The following BCORL1 variants were observed in gnomAD, a reference collection of about 807,000 sequenced individuals.
The protein encoded by BCORL1 is BCL6 corepressor like 1, also known as BCL-6 corepressor-like protein 1.
In BCORL1, 7 loss-of-function variants were observed where a neutral mutation model predicts 87.6. That is an observed-to-expected ratio of 0.08 (90% CI 0.05 to 0.15). BCORL1 has a LOEUF of 0.15. Among genes scored for constraint, BCORL1 ranks in the 10% least tolerant of loss-of-function variants. The pLI is 1.00. For synonymous variants in BCORL1, 591 were observed against 634.4 expected (o/e 0.93, Z 1.03); for missense variants, 1,215 against 1,499.7 (o/e 0.81, Z 3.13).
Position 130,014,309 on chromosome X carries a change from A to C in BCORL1, c.1537A>C (p.Thr513Pro). 8.3e-7 allele frequency: 1 copy of C among 1,211,019 alleles called. No homozygotes were observed. The highest frequency in any genetic ancestry group is 1.1e-6 in the Non-Finnish European group (1 of 895,291). Residue 513 changes from threonine (T) to proline (P), a missense_variant, in exon 4 of 14, where the codon ACT becomes CCT. Around this residue, in one of 5 missense-constraint regions of BCORL1, gnomAD observed 861 missense variants for 1,010.0 expected, o/e 0.85. Transcript: ENST00000540052. Reference protein sequence around the residue: ...PYAFSVARPLTSDSKLVSLEV... With the variant: ...PYAFSVARPLPSDSKLVSLEV... ...TGCATTTTCTGTGGCCCGGCCTCTGACTTCGGATTCCAAGCTGGTATCTCT... is the reference window on the plus strand; with the variant it reads ...TGCATTTTCTGTGGCCCGGCCTCTGCCTTCGGATTCCAAGCTGGTATCTCT...
intron 8 of BCORL1, among the ~76,000 whole-genome samples, chrX:130,031,644 C>T (rs1329113379): frequency 1.8e-5 from 2 of 111,551 alleles, no homozygotes; most frequent in African/African-American, 6.5e-5. Context: ...ATTAGCTGGG[C>T]GTGGTGGCAC....
At chrX:130,011,792 G>T (rs990379040) in intron 2 of BCORL1, among the ~76,000 whole-genome samples, 1 of 110,275 alleles carries the variant, frequency 9.1e-6, no homozygotes, top group African/African-American at 3.3e-5. Flanking sequence ...AGAGAACAAA[G>T]TGGTGCTGGG....
chrX:130,010,189 C>T (rs764412406), intron 2 of BCORL1, among the ~76,000 whole-genome samples: 2 of 111,235 alleles, frequency 1.8e-5, no homozygotes, highest in South Asian at 7.6e-4. Context: ...AGGATGCAGC[C>T]CACTCCCTTT....
At chrX:130,029,731 A>G (rs1381388739) in intron 8 of BCORL1, among the ~76,000 whole-genome samples, 4 of 107,115 alleles carry the variant, frequency 3.7e-5, no homozygotes, top group Non-Finnish European at 7.7e-5. Flanking sequence ...GCTCACTGTA[A>G]CCTCCGCCTC....
At chrX:129,999,689 C>A (rs781391389) in intron 1 of BCORL1, among the ~76,000 whole-genome samples, 3 of 102,728 alleles carry the variant, frequency 2.9e-5, no homozygotes, top group East Asian at 3.2e-4. Flanking sequence ...CTTTTTCCCC[C>A]CCCCCAGACA....
At chrX:130,038,434 C>T (rs888879679) in intron 10 of BCORL1, among the ~76,000 whole-genome samples, 54 of 109,734 alleles carry the variant, frequency 4.9e-4, no homozygotes, top group African/African-American at 1.7e-3. Context: ...AGGGAGTCAC[C>T]CAGGGCCTTC....
intron 7 of BCORL1, among the ~76,000 whole-genome samples, chrX:130,027,410 C>G (rs367707085): frequency 4.4e-5 from 5 of 112,886 alleles, no homozygotes; most frequent in African/African-American, 1.3e-4. Flanking sequence ...AGCTGGCCTT[C>G]CAGGAACTGT....
At chrX:129,996,453 T>C (rs1927571189) in intron 1 of BCORL1, among the ~76,000 whole-genome samples, 1 of 111,326 alleles carries the variant, frequency 9.0e-6, no homozygotes, top group African/African-American at 3.3e-5. Flanking sequence ...ACTGTCTTGA[T>C]GGTAGAGTCC....
At chrX:129,991,997 T>C (rs1927228555) in intron 1 of BCORL1, among the ~76,000 whole-genome samples, 1 of 106,248 alleles carries the variant, frequency 9.4e-6, no homozygotes, top group Admixed American at 1.0e-4. Flanking sequence ...TGAGATGGAG[T>C]CTTGCTCTAT....
rs1318095183 is a variant in BCORL1, at chrX:130,014,847, A to G, written c.2075A>G (p.Glu692Gly). The change falls in exon 4 of 14, where the codon GAG becomes GGG. Residue 692 changes from glutamate to glycine, a missense_variant. Transcript: ENST00000540052. ...TCCTCGCCCTTTGTCATCTTTCCCG[A>G]GATCGTGAGGAATGGGGACCCGAGC... is the stretch of plus-strand genomic sequence containing the variant. ...STSSPFVIFP[E>G]IVRNGDPSTW... 16 of 1,208,979 alleles carry G rather than the reference A, an allele frequency of 1.3e-5. No homozygotes were observed. The highest frequency in any genetic ancestry group is 1.8e-5 in the Non-Finnish European group (16 of 894,968).
intron 1 of BCORL1, among the ~76,000 whole-genome samples, chrX:130,003,951 T>C (rs1458337940): frequency 2.7e-5 from 3 of 112,026 alleles, no homozygotes; most frequent in Admixed American, 9.6e-5. Context: ...CTATATCTTA[T>C]TGTGATTTAC....
intron 2 of BCORL1, among the ~76,000 whole-genome samples, chrX:130,010,152 AGG>A (rs758774093): frequency 3.7e-3 from 413 of 111,890 alleles, no homozygotes; most frequent in African/African-American, 0.012. Flanking sequence ...CATTTCAGGC[AGG>A]GTGGGAGCTT....
chrX:130,026,981 C>T (rs906212232), intron 7 of BCORL1, among the ~76,000 whole-genome samples: 5 of 113,452 alleles, frequency 4.4e-5, no homozygotes, highest in Admixed American at 9.2e-5. Context: ...TTCTTTTCAT[C>T]CTGGTTTTGG....
chrX:130,036,453 G>C lies in BCORL1; in HGVS notation c.4528-914G>C, dbSNP rs756013343. Among the ~76,000 whole-genome samples, 414 of 110,986 alleles carry C rather than the reference G, an allele frequency of 3.7e-3. 1 individual carries two copies. Among genetic ancestry groups the C allele is most frequent in the Non-Finnish European group, 6.5e-3 (344 of 52,881 alleles). On this transcript the variant is annotated intron_variant, in intron 9 of 13. Transcript: ENST00000540052. ...TTTTTGTATTTTTAGTAGAGAGGGG[G>C]TTTTGCCATGTTGGCTAGGCTGGTC... is the stretch of plus-strand genomic sequence containing the variant.
chrX:130,030,715 C>T (rs1230980471), intron 8 of BCORL1, among the ~76,000 whole-genome samples: 4 of 110,268 alleles, frequency 3.6e-5, no homozygotes, highest in African/African-American at 6.6e-5. Flanking sequence ...GTTCCTCCCC[C>T]AGACACTCAG....
chrX:130,009,304 A>G (rs921440884), intron 2 of BCORL1, among the ~76,000 whole-genome samples: 1 of 110,785 alleles, frequency 9.0e-6, no homozygotes, highest in Non-Finnish European at 1.9e-5. Flanking sequence ...GTCTCTACTA[A>G]AAACACAAAA....
intron 9 of BCORL1, among the ~76,000 whole-genome samples, chrX:130,037,007 G>A (rs1002456972): frequency 3.6e-5 from 4 of 111,811 alleles, no homozygotes; most frequent in South Asian, 3.7e-4. Context: ...TTAGCCAGGC[G>A]TGGTGGCGTG....
At chrX:130,050,827 T>G (rs376408494) in intron 12 of BCORL1, 33 bp downstream of exon 12, 53 of 1,139,506 alleles carry the variant, frequency 4.7e-5, no homozygotes, top group Non-Finnish European at 5.8e-5. Flanking sequence ...CCCACCCTTC[T>G]TCTCAAGGAC....
At position 130,024,916 on chromosome X, in the gene BCORL1, A is replaced by G; in HGVS notation, c.3689-74A>G. 3.5e-6 allele frequency: 4 copies of G among 1,153,608 alleles called. No individual in the cohort carries two copies. In the South Asian group the frequency reaches 6.1e-5, roughly 18 times the overall value. On this transcript the variant is annotated intron_variant, in intron 6 of 13. Coordinates refer to ENST00000540052, the MANE Select transcript of BCORL1 (RefSeq NM_001379451.1). ...ACCCAGACCTTCAAACTCCTAGTCC[A>G]GGGCATTCACTTCGACACCATGCTT...
Sources: allele counts gnomAD v4.1 joint callset (sites outside exome capture counted in the v4.1 genomes callset), GRCh38; gene constraint gnomAD v4.1.1; regional missense constraint gnomAD v4.1.1; transcripts MANE v1.5; gene names NCBI Gene and HGNC (gene_info 2026-07-23, HGNC 2026-07-21).